The following MLKL variants were observed in gnomAD, a reference collection of about 807,000 sequenced individuals.
The protein encoded by MLKL is mixed lineage kinase domain-like protein.
In MLKL, 55 loss-of-function variants were observed where a neutral mutation model predicts 56.5. That is an observed-to-expected ratio of 0.97 (90% CI 0.78 to 1.22). The LOEUF (loss-of-function observed/expected upper bound fraction) is 1.22. MLKL is among the 50% of genes most tolerant of loss of function. MLKL has a pLI of 0.00. For synonymous variants in MLKL, 251 were observed against 208.3 expected (o/e 1.20, Z -1.76); for missense variants, 694 against 573.9 (o/e 1.21, Z -2.14).
At chr16:74,678,769 G>A in intron 7 of MLKL, 130 bp downstream of exon 7, 1 of 697,948 alleles carries the variant, frequency 1.4e-6, no homozygotes, top group Non-Finnish European at 2.4e-6. Context: ...GTGACAGAAA[G>A]AGACTCTGTC....
rs1489889582 is a variant in MLKL, at chr16:74,671,945, T to C, written c.*559A>G. On this transcript the variant is annotated 3_prime_UTR_variant, in exon 11 of 11. Coordinates refer to ENST00000308807, the MANE Select transcript of MLKL (RefSeq NM_152649.4). ...TCTGCTTGAGTGGTTCTTCTGGTCT[T>C]GATTGGCCTCATTCATGTGTTAGCT... is the stretch of plus-strand genomic sequence containing the variant. The C allele has an allele frequency of 6.6e-6, 1 of 152,356 alleles. No individual in the cohort carries two copies. The allele number at this position is 152,356 out of a possible 1,614,324, so 9.4% of individuals were successfully genotyped here.
chr16:74,674,839 G>C, intron 10 of MLKL, 121 bp downstream of exon 10: 1 of 1,207,828 alleles, frequency 8.3e-7, no homozygotes, highest in Non-Finnish European at 1.2e-6. Flanking sequence ...ATCACTAAAT[G>C]TTCCCCGGAT....
rs750374152 is a variant in MLKL, at chr16:74,689,800, G to A, written c.722+1477C>T. 2.9e-4 allele frequency among the ~76,000 whole-genome samples: 44 copies of A among 152,024 alleles called. 1 individual carries two copies. The highest frequency in any genetic ancestry group is 4.7e-4 in the Non-Finnish European group (32 of 68,004). On this transcript the variant is annotated intron_variant, in intron 4 of 10. Transcript: ENST00000308807. The stretch of plus-strand genomic sequence containing the variant: ...ACAAATCAACAGGGAAAAGACAGAC[G>A]ACTTAATAGATGGTATAGAGAAAAC...
chr16:74,684,446 A>AG (rs1363229947), intron 5 of MLKL, among the ~76,000 whole-genome samples: 3 of 150,930 alleles, frequency 2.0e-5, no homozygotes, highest in Admixed American at 2.0e-4. Flanking sequence ...AAAAAAAAAA[A>AG]AAAAGAGCCT....
chr16:74,690,132 G>A (rs951230944), intron 4 of MLKL, among the ~76,000 whole-genome samples: 6 of 152,142 alleles, frequency 3.9e-5, no homozygotes, highest in African/African-American at 1.4e-4. Context: ...ATTTATGGAA[G>A]AGAAAACCCA....
At chr16:74,682,819 C>T (rs771755225) in intron 5 of MLKL, 33 bp from the exon 6 acceptor site, 26 of 1,611,446 alleles carry the variant, frequency 1.6e-5, no homozygotes, top group Non-Finnish European at 2.2e-5. Context: ...TATGAGGACC[C>T]GCCCTACTTG....
At chr16:74,676,450 T>C (rs2144451726) in intron 7 of MLKL, 1 of 985,458 alleles carries the variant, frequency 1.0e-6, no homozygotes, top group African/African-American at 1.7e-5. Context: ...AGAAAAGGGA[T>C]AAGGCACTTA....
chr16:74,698,548 A>T (rs1353279801), intron 1 of MLKL, among the ~76,000 whole-genome samples: 1 of 152,212 alleles, frequency 6.6e-6, no homozygotes, highest in Non-Finnish European at 1.5e-5. Flanking sequence ...TGCTAAGCAG[A>T]TATCTTCAAG....
chr16:74,695,268 C>T (rs1163425704), intron 2 of MLKL, 30 bp downstream of exon 2: 2 of 1,601,694 alleles, frequency 1.2e-6, no homozygotes, highest in Non-Finnish European at 8.5e-7. Context: ...TTCAACTGCA[C>T]TCCCACTCCC....
At chr16:74,681,074 G>A (rs562577290) in intron 6 of MLKL, among the ~76,000 whole-genome samples, 1 of 152,012 alleles carries the variant, frequency 6.6e-6, no homozygotes, top group Non-Finnish European at 1.5e-5. Flanking sequence ...GCCCAGCCTG[G>A]AGTGCAGTGG....
At chr16:74,678,265 C>T (rs1222144312) in intron 7 of MLKL, 1 of 152,794 alleles carries the variant, frequency 6.5e-6, no homozygotes, top group African/African-American at 2.4e-5. Flanking sequence ...TCCTGTGAGT[C>T]TGAGTCCTTA....
In MLKL at chr16:74,675,097, C is replaced by T; in HGVS notation, c.1244G>A (p.Cys415Tyr). The stretch of plus-strand genomic sequence containing the variant: ...CAGCTTGCGGATCTTCTCAGAATTA[C>T]AGCCTGGAAATGATAGCATGAGAGC... ...IATGDIPFQG[C>Y]NSEKIRKLVA... Residue 415 changes from cysteine (C) to tyrosine (Y), a missense_variant, in exon 10 of 11, where the codon TGT becomes TAT. By Grantham distance (194) the Cys-to-Tyr change is radical (BLOSUM62 -2). Coordinates refer to ENST00000308807, the MANE Select transcript of MLKL (RefSeq NM_152649.4). 3 of 1,614,022 alleles carry T rather than the reference C, an allele frequency of 1.9e-6. No homozygotes were observed. The highest frequency in any genetic ancestry group is 2.5e-6 in the Non-Finnish European group (3 of 1,179,978).
intron 2 of MLKL, among the ~76,000 whole-genome samples, chr16:74,692,880 C>A (rs1292931913): frequency 6.6e-6 from 1 of 152,200 alleles, no homozygotes; most frequent in East Asian, 1.9e-4. Flanking sequence ...TCAAATCAAT[C>A]CTGATTTATA....
Position 74,691,308 on chromosome 16 carries a change from C to A in MLKL, c.691G>T (p.Val231Leu), listed in dbSNP as rs577105895. The change falls in exon 4 of 11, where the codon GTA (valine) becomes TTA (leucine). Residue 231 changes from valine to leucine, a missense_variant. Physicochemically the swap from Val to Leu is conservative, Grantham distance 32. Transcript: ENST00000308807. ...CTGCCAGCCTGGAGTTTTTTGAATA[C>A]TTTTATGGCCACTGGAGCTCTGTGG... ...EYHRAPVAIK[V>L]FKKLQAGSIA... is the part of the protein sequence containing the mutation. 1.2e-6 allele frequency: 2 copies of A among 1,611,604 alleles called. No individual in the cohort carries two copies. Among genetic ancestry groups the A allele is most frequent in the East Asian group, 2.2e-5 (1 of 44,798 alleles).
intron 4 of MLKL, among the ~76,000 whole-genome samples, chr16:74,686,160 C>G (rs929529570): frequency 2.0e-5 from 3 of 152,104 alleles, no homozygotes; most frequent in Non-Finnish European, 4.4e-5. Flanking sequence ...CATGATTTCA[C>G]CATGTTGGCC....
intron 6 of MLKL, among the ~76,000 whole-genome samples, chr16:74,681,632 A>G: frequency 6.6e-6 from 1 of 151,916 alleles, no homozygotes; most frequent in Admixed American, 6.6e-5. Flanking sequence ...TCTCTAATAA[A>G]AATACAAAAA....
At chr16:74,696,822 G>A (rs1241626742) in intron 1 of MLKL, among the ~76,000 whole-genome samples, 1 of 150,530 alleles carries the variant, frequency 6.6e-6, no homozygotes, top group Non-Finnish European at 1.5e-5. Context: ...GCTAGGTGTG[G>A]TGGTGCATGC....
intron 4 of MLKL, among the ~76,000 whole-genome samples, chr16:74,690,925 A>T (rs1597505051): frequency 6.6e-6 from 1 of 152,046 alleles, no homozygotes; most frequent in South Asian, 2.1e-4. Context: ...CAGACACGTA[A>T]CTCTACCAGT....
intron 7 of MLKL, chr16:74,675,974 G>A (rs1959571527): frequency 5.2e-6 from 3 of 579,056 alleles, no homozygotes; most frequent in East Asian, 3.0e-5. Flanking sequence ...AACACAAAGA[G>A]ATTTCTTCTG....
Sources: allele counts gnomAD v4.1 joint callset (sites outside exome capture counted in the v4.1 genomes callset), GRCh38; gene constraint gnomAD v4.1.1; transcripts MANE v1.5; gene names NCBI Gene and HGNC (gene_info 2026-07-23, HGNC 2026-07-21).